LDB2: variants seen among roughly 807,000 people sequenced by gnomAD.
LDB2 encodes the protein LIM domain binding 2.
LDB2 carries 12 observed loss-of-function variants against 44.3 expected under a neutral mutation model. That is an observed-to-expected ratio of 0.27 (90% confidence interval 0.17 to 0.44). The LOEUF (loss-of-function observed/expected upper bound fraction) is 0.44. Ranked by LOEUF, LDB2 falls within the 20% of genes least tolerant of loss-of-function variation. The pLI, the probability that LDB2 is intolerant of heterozygous loss-of-function variation, is 1.00. For synonymous variants in LDB2, 164 were observed against 174.8 expected (o/e 0.94, Z 0.49); for missense variants, 344 against 473.5 (o/e 0.73, Z 2.54).
intron 1 of LDB2, among the ~76,000 whole-genome samples, chr4:16,768,513 C>T (rs554573146): frequency 6.6e-6 from 1 of 152,202 alleles, no homozygotes; most frequent in Non-Finnish European, 1.5e-5. Flanking sequence ...GCCTACATTT[C>T]TTTTTCTGCC....
chr4:16,799,974 AAT>A (rs758489943), intron 1 of LDB2, among the ~76,000 whole-genome samples: 19 of 152,224 alleles, frequency 1.2e-4, no homozygotes, highest in African/African-American at 4.6e-4. Context: ...TTATTTTTTC[AAT>A]AGTTATTTTT....
At chr4:16,700,342 C>A (rs1753169837) in intron 2 of LDB2, among the ~76,000 whole-genome samples, 1 of 152,082 alleles carries the variant, frequency 6.6e-6, no homozygotes, top group Admixed American at 6.5e-5. Context: ...ACTCTTGAAG[C>A]AACCCAAAAA....
intron 1 of LDB2, among the ~76,000 whole-genome samples, chr4:16,836,947 T>C (rs1175248044): frequency 1.3e-5 from 2 of 152,180 alleles, no homozygotes; most frequent in African/African-American, 4.8e-5. Context: ...TTTTAAATGG[T>C]CATTCATATT....
intron 1 of LDB2, among the ~76,000 whole-genome samples, chr4:16,762,327 G>A (rs1216025080): frequency 1.3e-5 from 2 of 152,222 alleles, no homozygotes; most frequent in Admixed American, 6.5e-5. Context: ...GAATGAAAAT[G>A]TATTACTTCT....
intron 2 of LDB2, among the ~76,000 whole-genome samples, chr4:16,745,742 A>C (rs1377350612): frequency 2.0e-5 from 3 of 152,204 alleles, no homozygotes; most frequent in Non-Finnish European, 4.4e-5. Flanking sequence ...CTGCAGGTAC[A>C]CATTTGCCAC....
chr4:16,755,211 G>A (rs901613665), intron 2 of LDB2, among the ~76,000 whole-genome samples: 17 of 152,254 alleles, frequency 1.1e-4, no homozygotes, highest in African/African-American at 2.6e-4. Flanking sequence ...GGAGCAAAGG[G>A]AAATTAATAT....
chr4:16,550,394 TGTATTCCCA>T, intron 5 of LDB2, among the ~76,000 whole-genome samples: 1 of 152,350 alleles, frequency 6.6e-6, no homozygotes, highest in African/African-American at 2.4e-5. Flanking sequence ...TATTCATCTC[TGTATTCCCA>T]GTACCTAAAA....
intron 5 of LDB2, among the ~76,000 whole-genome samples, chr4:16,517,288 A>C (rs183626109): frequency 1.3e-5 from 2 of 152,262 alleles, no homozygotes; most frequent in East Asian, 3.9e-4. Context: ...CCTGTTTGTA[A>C]TAAGTATGAG....
In LDB2 at chr4:16,612,940, G is replaced by A. The variant is rs145327290; in HGVS notation, c.236-17065C>T. On this transcript the variant is annotated intron_variant, in intron 2 of 7. Coordinates refer to ENST00000304523, the MANE Select transcript of LDB2 (RefSeq NM_001290.5). ...GCCAATAACCCTGATGAACATTGATGCGAAAATCCTCAATAAAATACTGGT... is the reference window on the plus strand; with the variant it reads ...GCCAATAACCCTGATGAACATTGATACGAAAATCCTCAATAAAATACTGGT... Among the ~76,000 whole-genome samples the A allele has an allele frequency of 5.9e-3, 899 of 152,286 alleles. 13 individuals carry two copies. Among genetic ancestry groups the A allele is most frequent in the African/African-American group, 0.021 (868 of 41,522 alleles).
chr4:16,574,751 T>G (rs1199231349), intron 5 of LDB2, among the ~76,000 whole-genome samples: 1 of 152,326 alleles, frequency 6.6e-6, no homozygotes, highest in South Asian at 2.1e-4. Context: ...GCATTTATTA[T>G]GCTTCTTCTG....
chr4:16,510,163 A>C (rs1318797076), intron 6 of LDB2, among the ~76,000 whole-genome samples: 3 of 152,168 alleles, frequency 2.0e-5, no homozygotes, highest in Non-Finnish European at 4.4e-5. Flanking sequence ...CACCTATGCC[A>C]CTTCTGGTGG....
intron 1 of LDB2, among the ~76,000 whole-genome samples, chr4:16,815,960 C>G (rs1251184816): frequency 6.6e-6 from 1 of 152,204 alleles, no homozygotes. Context: ...ATAATCCCAG[C>G]ACTTTGGGAG....
chr4:16,828,114 T>C (rs1783387627), intron 1 of LDB2, among the ~76,000 whole-genome samples: 1 of 152,050 alleles, frequency 6.6e-6, no homozygotes, highest in African/African-American at 2.4e-5. Flanking sequence ...TCTCCAATCC[T>C]CTCGTTCTAG....
intron 1 of LDB2, among the ~76,000 whole-genome samples, chr4:16,889,553 A>G (rs1217530138): frequency 6.6e-6 from 1 of 152,182 alleles, no homozygotes; most frequent in African/African-American, 2.4e-5. Context: ...TATTAGGCTC[A>G]CAGATTCTTC....
intron 3 of LDB2, among the ~76,000 whole-genome samples, chr4:16,590,682 T>C (rs184909476): frequency 3.3e-5 from 5 of 152,336 alleles, no homozygotes; most frequent in East Asian, 3.9e-4. Context: ...TCAGAAACAC[T>C]GTGGGATAAT....
chr4:16,836,159 G>A (rs1784854318), intron 1 of LDB2, among the ~76,000 whole-genome samples: 2 of 152,180 alleles, frequency 1.3e-5, no homozygotes, highest in South Asian at 2.1e-4. Flanking sequence ...GTATGTATAA[G>A]TGTATCCATG....
intron 2 of LDB2, among the ~76,000 whole-genome samples, chr4:16,661,259 G>A (rs949566154): frequency 6.6e-6 from 1 of 152,150 alleles, no homozygotes; most frequent in African/African-American, 2.4e-5. Flanking sequence ...AAACAGTTTT[G>A]GCACAAAAAG....
At chr4:16,536,512 G>A (rs1418023669) in intron 5 of LDB2, among the ~76,000 whole-genome samples, 1 of 152,174 alleles carries the variant, frequency 6.6e-6, no homozygotes, top group Non-Finnish European at 1.5e-5. Flanking sequence ...TTTCCTTCAG[G>A]GGAAACAGAC....
At chr4:16,670,336 T>C (rs1744392479) in intron 2 of LDB2, among the ~76,000 whole-genome samples, 1 of 152,244 alleles carries the variant, frequency 6.6e-6, no homozygotes, top group African/African-American at 2.4e-5. Context: ...CTTCTGCTTC[T>C]GAAGACGTCT....
Sources: allele counts gnomAD v4.1 joint callset (sites outside exome capture counted in the v4.1 genomes callset), GRCh38; gene constraint gnomAD v4.1.1; transcripts MANE v1.5; gene names NCBI Gene and HGNC (gene_info 2026-07-23, HGNC 2026-07-21).